The following SAMMSON variants were observed in gnomAD, a reference collection of about 807,000 sequenced individuals.
The protein encoded by SAMMSON is survival associated mitochondrial melanoma specific oncogenic non-coding RNA.
chr3:70,142,390 C>T (rs1270188622), intron 4 of SAMMSON, among the ~76,000 whole-genome samples: 1 of 152,070 alleles, frequency 6.6e-6, no homozygotes, highest in African/African-American at 2.4e-5. Flanking sequence ...TTTGCAATGA[C>T]CTGGATGAGA....
intron 7 of SAMMSON, among the ~76,000 whole-genome samples, chr3:70,353,168 T>C (rs1702805784): frequency 6.6e-6 from 1 of 151,944 alleles, no homozygotes; most frequent in African/African-American, 2.4e-5. Context: ...AAAATCATGA[T>C]TTATAAAAGG....
At chr3:70,186,681 G>A (rs544568796) in intron 4 of SAMMSON, among the ~76,000 whole-genome samples, 1 of 152,262 alleles carries the variant, frequency 6.6e-6, no homozygotes, top group South Asian at 2.1e-4. Context: ...ACCTTTCTTA[G>A]CTGAAAAAGG....
chr3:70,164,402 A>T (rs1171769383), intron 4 of SAMMSON, among the ~76,000 whole-genome samples: 2 of 152,056 alleles, frequency 1.3e-5, no homozygotes, highest in African/African-American at 4.8e-5. Context: ...AGAGAACAAT[A>T]TAAAATTTCA....
chr3:70,289,952 T>A (rs1296778176), intron 6 of SAMMSON, among the ~76,000 whole-genome samples: 1 of 152,126 alleles, frequency 6.6e-6, no homozygotes, highest in Non-Finnish European at 1.5e-5. Context: ...ATTCTAGTTA[T>A]ACATTCTTCT....
intron 8 of SAMMSON, among the ~76,000 whole-genome samples, chr3:70,356,390 C>G (rs1448946285): frequency 1.3e-5 from 2 of 152,072 alleles, no homozygotes; most frequent in Non-Finnish European, 2.9e-5. Flanking sequence ...TATAATTTAA[C>G]CAACTTTAAT....
intron 4 of SAMMSON, among the ~76,000 whole-genome samples, chr3:70,194,145 CA>C (rs1300269282): frequency 1.3e-5 from 2 of 152,106 alleles, no homozygotes; most frequent in African/African-American, 4.8e-5. Flanking sequence ...AGAGCAAAGA[CA>C]ATGTAGCTAT....
chr3:70,407,507 G>A (rs977157330), intron 2 of SAMMSON, among the ~76,000 whole-genome samples: 1 of 152,126 alleles, frequency 6.6e-6, no homozygotes, highest in African/African-American at 2.4e-5. Flanking sequence ...AAGGAGTATA[G>A]GGCCCATACA....
chr3:70,276,598 G>A (rs1451486438), intron 6 of SAMMSON, among the ~76,000 whole-genome samples: 1 of 152,116 alleles, frequency 6.6e-6, no homozygotes, highest in Non-Finnish European at 1.5e-5. Flanking sequence ...AGGATACCAT[G>A]GTGTATTTAC....
intron 4 of SAMMSON, among the ~76,000 whole-genome samples, chr3:70,087,604 A>T (rs1470884513): frequency 6.6e-6 from 1 of 152,118 alleles, no homozygotes; most frequent in Non-Finnish European, 1.5e-5. Flanking sequence ...CACTGGAGTT[A>T]TTTTCTGACT....
At chr3:70,223,795 G>A (rs1398790531) in intron 4 of SAMMSON, among the ~76,000 whole-genome samples, 4 of 152,098 alleles carry the variant, frequency 2.6e-5, no homozygotes, top group Non-Finnish European at 5.9e-5. Context: ...AGCTGCTTTG[G>A]ATTTCTTTTA....
intron 4 of SAMMSON, among the ~76,000 whole-genome samples, chr3:70,214,814 T>C (rs887247595): frequency 2.0e-5 from 3 of 152,046 alleles, no homozygotes; most frequent in African/African-American, 7.2e-5. Context: ...CTCCATTTCA[T>C]TTTTATGCAG....
chr3:70,239,003 T>C (rs1346322811), intron 4 of SAMMSON, among the ~76,000 whole-genome samples: 1 of 152,232 alleles, frequency 6.6e-6, no homozygotes, highest in Non-Finnish European at 1.5e-5. Flanking sequence ...TGGAAATGTT[T>C]AATTTTGTGA....
intron 4 of SAMMSON, among the ~76,000 whole-genome samples, chr3:70,222,077 C>T (rs555549302): frequency 2.0e-5 from 3 of 152,128 alleles, no homozygotes; most frequent in Non-Finnish European, 2.9e-5. Context: ...CATTGCCACA[C>T]CCACCCTTTA....
chr3:70,279,494 G>A (rs957163179), intron 6 of SAMMSON, among the ~76,000 whole-genome samples: 8 of 152,052 alleles, frequency 5.3e-5, no homozygotes, highest in African/African-American at 1.7e-4. Flanking sequence ...CAAATCTTGT[G>A]CACTTTCTCA....
At chr3:70,046,060 CTG>C (rs915761595) in intron 3 of SAMMSON, among the ~76,000 whole-genome samples, 2 of 152,098 alleles carry the variant, frequency 1.3e-5, no homozygotes, top group African/African-American at 2.4e-5. Context: ...TGAAAGGACA[CTG>C]TTAGTATTCT....
intron 4 of SAMMSON, among the ~76,000 whole-genome samples, chr3:70,152,627 G>A (rs1175914692): frequency 2.6e-5 from 4 of 151,994 alleles, no homozygotes; most frequent in Non-Finnish European, 4.4e-5. Flanking sequence ...TTCCCCTTGA[G>A]ATATTGTCGG....
intron 4 of SAMMSON, among the ~76,000 whole-genome samples, chr3:70,116,585 AT>A (rs576973166): frequency 1.7e-4 from 26 of 152,104 alleles, no homozygotes; most frequent in South Asian, 4.1e-4. Context: ...AAATAAAAAA[AT>A]ATCATATTAT....
At chr3:70,398,125 A>G (rs553613041) in intron 2 of SAMMSON, among the ~76,000 whole-genome samples, 112 of 152,330 alleles carry the variant, frequency 7.4e-4, no homozygotes, top group Middle Eastern at 3.4e-3. Context: ...GCAACTTGGG[A>G]GAAAATTACA....
intron 4 of SAMMSON, chr3:70,125,809 C>T: frequency 1.5e-6 from 1 of 660,874 alleles, no homozygotes; most frequent in Non-Finnish European, 2.7e-6. Context: ...TGTTTTGGGT[C>T]TTTGGGGCTG....
Sources: allele counts gnomAD v4.1 joint callset (sites outside exome capture counted in the v4.1 genomes callset), GRCh38; gene constraint gnomAD v4.1.1; transcripts MANE v1.5; gene names NCBI Gene and HGNC (gene_info 2026-07-23, HGNC 2026-07-21).